Variants in TLK1 observed in about 807,000 individuals in gnomAD.
TLK1 encodes serine/threonine-protein kinase tousled-like 1.
A neutral mutation model predicts 105.3 loss-of-function variants in TLK1; 24 were observed. The observed-to-expected ratio is 0.23, with a 90% CI of 0.17 to 0.32. The LOEUF (loss-of-function observed/expected upper bound fraction) is 0.32, where lower values mean the gene tolerates loss of function less well. Among genes scored for constraint, TLK1 ranks in the 10% least tolerant of loss-of-function variants. The pLI is 1.00. For synonymous variants in TLK1, 321 were observed against 310.4 expected (o/e 1.03, Z -0.36); for missense variants, 558 against 910.5 (o/e 0.61, Z 4.98).
intron 12 of TLK1, among the ~76,000 whole-genome samples, chr2:171,019,242 T>C (rs959615056): frequency 6.6e-6 from 1 of 152,246 alleles, no homozygotes; most frequent in Non-Finnish European, 1.5e-5. Context: ...CAACATAATA[T>C]TCCTTTGGCT....
At position 171,020,717 on chromosome 2, in the gene TLK1, G is replaced by GCCAACCAA. The variant is rs144630026; in HGVS notation, c.1237-5777_1237-5770dup. Among the ~76,000 whole-genome samples the GCCAACCAA allele has an allele frequency of 4.6e-5, 7 of 151,874 alleles. No individual in the cohort carries two copies. In the East Asian group the frequency reaches 5.8e-4, roughly 13 times the overall value. ...TATGAACCAACCAAAATAAAAGCCA[G>GCCAACCAA]CCAACCAACCAACCAACCAACCAAC... On this transcript the variant is annotated intron_variant, in intron 12 of 20. Transcript: ENST00000431350.
chr2:171,088,286 A>G (rs528707982), intron 2 of TLK1, among the ~76,000 whole-genome samples: 7 of 152,266 alleles, frequency 4.6e-5, no homozygotes, highest in Non-Finnish European at 5.9e-5. Context: ...GAGCTGTGAC[A>G]GTGCCACTGC....
intron 1 of TLK1, among the ~76,000 whole-genome samples, chr2:171,145,397 C>T (rs1691751227): frequency 6.6e-6 from 1 of 152,114 alleles, no homozygotes; most frequent in Non-Finnish European, 1.5e-5. Context: ...CGAGGCCAGC[C>T]TGGTCAACAT....
At chr2:171,073,386 T>C (rs1030450728) in intron 3 of TLK1, among the ~76,000 whole-genome samples, 2 of 152,184 alleles carry the variant, frequency 1.3e-5, no homozygotes, top group Non-Finnish European at 2.9e-5. Flanking sequence ...GCTTGCTAAA[T>C]AGCTTACAGA....
chr2:171,100,669 A>G (rs1689650965), intron 2 of TLK1, among the ~76,000 whole-genome samples: 1 of 152,156 alleles, frequency 6.6e-6, no homozygotes, highest in African/African-American at 2.4e-5. Flanking sequence ...TAAAAAGACA[A>G]TAATAAGTGT....
At chr2:171,200,295 C>A (rs747336599) in intron 1 of TLK1, among the ~76,000 whole-genome samples, 1 of 152,146 alleles carries the variant, frequency 6.6e-6, no homozygotes, top group Non-Finnish European at 1.5e-5. Flanking sequence ...TCTACCCCCC[C>A]ATCCTGTGTT....
intron 2 of TLK1, among the ~76,000 whole-genome samples, chr2:171,085,556 T>C (rs1425226281): frequency 3.9e-5 from 6 of 152,150 alleles, no homozygotes; most frequent in African/African-American, 1.4e-4. Flanking sequence ...GCAAACACTT[T>C]ATGCCAGACA....
intron 2 of TLK1, among the ~76,000 whole-genome samples, chr2:171,116,703 A>C (rs997464005): frequency 1.3e-4 from 20 of 151,450 alleles, no homozygotes; most frequent in Non-Finnish European, 1.0e-4. Context: ...CCCTCAAAAA[A>C]AAAAAAAAAA....
rs10174254 is a variant in TLK1 at position 171,068,499 on chromosome 2, A to G, written c.331-7343T>C. On this transcript the variant is annotated intron_variant, in intron 3 of 20. Coordinates refer to ENST00000431350, the MANE Select transcript of TLK1 (RefSeq NM_012290.5). The stretch of plus-strand genomic sequence containing the variant: ...TGTTCTTTTTTTAAATTGCTCTATC[A>G]TATCTTTATTAGCATTGATTCTCAA... Among the ~76,000 whole-genome samples the G allele has an allele frequency of 8.1e-3, 1,235 of 152,208 alleles. 19 individuals carry two copies. Among genetic ancestry groups the G allele is most frequent in the African/African-American group, 0.028 (1,166 of 41,518 alleles).
intron 1 of TLK1, among the ~76,000 whole-genome samples, chr2:171,134,505 T>C (rs921156730): frequency 6.6e-6 from 1 of 152,120 alleles, no homozygotes; most frequent in Non-Finnish European, 1.5e-5. Context: ...AGAGATGATA[T>C]ATAAATGGCC....
intron 1 of TLK1, among the ~76,000 whole-genome samples, chr2:171,189,499 T>C (rs924192162): frequency 3.3e-5 from 5 of 152,186 alleles, no homozygotes; most frequent in African/African-American, 1.2e-4. Flanking sequence ...ATAAGAAGTA[T>C]GGGAAAGACT....
At chr2:171,163,135 G>A (rs1006102385), upstream of TLK1, among the ~76,000 whole-genome samples, 11 of 152,130 alleles carry the variant, frequency 7.2e-5, no homozygotes, top group African/African-American at 2.4e-4. Context: ...TGAGAGATTC[G>A]TCCACATTGT....
At chr2:171,006,344 T>G in intron 17 of TLK1, 62 bp from the exon 18 acceptor site, 2 of 1,492,940 alleles carry the variant, frequency 1.3e-6, no homozygotes, top group Non-Finnish European at 1.8e-6. Context: ...CTTTAATAAC[T>G]TTTAATTTTA....
intron 2 of TLK1, among the ~76,000 whole-genome samples, chr2:171,083,116 G>C (rs1688821574): frequency 6.6e-6 from 1 of 152,090 alleles, no homozygotes; most frequent in Admixed American, 6.6e-5. Flanking sequence ...TTAAATCCCA[G>C]TTCAAAAGCA....
intron 1 of TLK1, among the ~76,000 whole-genome samples, chr2:171,128,809 T>G (rs974814109): frequency 2.0e-5 from 3 of 152,174 alleles, no homozygotes; most frequent in Admixed American, 6.5e-5. Flanking sequence ...TATAGATGTA[T>G]TTTATACTAG....
intron 1 of TLK1, among the ~76,000 whole-genome samples, chr2:171,187,354 C>G (rs1057293943): frequency 3.9e-5 from 6 of 152,156 alleles, no homozygotes; most frequent in Admixed American, 1.3e-4. Flanking sequence ...GGTCCAAGGT[C>G]TTAACTGTTT....
At chr2:171,024,255 GTTTT>G (rs773221576) in intron 12 of TLK1, among the ~76,000 whole-genome samples, 1 of 151,968 alleles carries the variant, frequency 6.6e-6, no homozygotes, top group Non-Finnish European at 1.5e-5. Context: ...AATTATTTGA[GTTTT>G]TATTTAAAAA....
chr2:171,103,230 AG>A (rs1689765703), intron 2 of TLK1, among the ~76,000 whole-genome samples: 2 of 149,140 alleles, frequency 1.3e-5, no homozygotes, highest in African/African-American at 5.0e-5. Context: ...AGTTTGGGGA[AG>A]GTTCTGAGTT....
intron 1 of TLK1, among the ~76,000 whole-genome samples, chr2:171,197,929 A>G (rs781294167): frequency 5.9e-5 from 9 of 152,200 alleles, no homozygotes; most frequent in Non-Finnish European, 5.9e-5. Flanking sequence ...GTACCCTTAT[A>G]TGATTCTTAT....
Sources: gnomAD v4.1 joint callset for allele counts (sites outside exome capture counted in the v4.1 genomes callset) on GRCh38, gnomAD v4.1.1 for gene constraint, MANE v1.5 for transcripts, NCBI Gene and HGNC (gene_info 2026-07-23, HGNC 2026-07-21) for gene names.